The following PRKAA2 variants were observed in gnomAD, a reference collection of about 807,000 sequenced individuals.
The protein encoded by PRKAA2 is protein kinase AMP-activated catalytic subunit alpha 2.
A neutral mutation model predicts 56.3 loss-of-function variants in PRKAA2; 40 were observed. The observed-to-expected ratio is 0.71, with a 90% CI of 0.55 to 0.92. The LOEUF is 0.92. Ranked by LOEUF, PRKAA2 falls within the 40% of genes least tolerant of loss-of-function variation. The pLI is 0.00. For missense variants in PRKAA2, 542 were observed against 686.9 expected, an observed-to-expected ratio of 0.79 and a Z score of 2.36; for synonymous variants, 214 against 234.2, an observed-to-expected ratio of 0.91 and a Z score of 0.79.
intron 1 of PRKAA2, among the ~76,000 whole-genome samples, chr1:56,658,968 A>ATT (rs758544267): frequency 8.8e-5 from 12 of 136,024 alleles, no homozygotes; most frequent in Non-Finnish European, 1.1e-4. Flanking sequence ...CTAATTTTTA[A>ATT]TTTTTTTTTT....
intron 1 of PRKAA2, among the ~76,000 whole-genome samples, chr1:56,667,135 G>T (rs962628567): frequency 1.3e-5 from 2 of 152,196 alleles, no homozygotes; most frequent in African/African-American, 4.8e-5. Context: ...AAGTGTTTCT[G>T]ATTCAGGGTC....
intron 1 of PRKAA2, among the ~76,000 whole-genome samples, chr1:56,671,763 A>AT (rs1644078635): frequency 6.6e-6 from 1 of 152,182 alleles, no homozygotes; most frequent in African/African-American, 2.4e-5. Context: ...GTCAGATGTT[A>AT]TGCCATCACT....
At chr1:56,689,897 GACACACACACACACAC>G (rs3034077) in intron 2 of PRKAA2, among the ~76,000 whole-genome samples, 9 of 147,144 alleles carry the variant, frequency 6.1e-5, no homozygotes, top group South Asian at 2.2e-4. Context: ...CAGACACACA[GACACACACACACACAC>G]ACACACACAC....
intron 4 of PRKAA2, 94 bp downstream of exon 4, chr1:56,692,596 G>GT: frequency 1.6e-6 from 2 of 1,261,090 alleles, no homozygotes; most frequent in Non-Finnish European, 2.1e-6. Context: ...AACCTTGTAC[G>GT]TTCTGTACCA....
At position 56,704,363 on chromosome 1, in the gene PRKAA2, C is replaced by T. The variant is rs1322462262; in HGVS notation, c.1181C>T (p.Ser394Phe). 6.2e-7 allele frequency: 1 copy of T among 1,614,154 alleles called. No individual in the cohort carries two copies. Among genetic ancestry groups the T allele is most frequent in the Non-Finnish European group, 8.5e-7 (1 of 1,180,014 alleles). The change falls in exon 7 of 9, where the codon TCT (serine) becomes TTT (phenylalanine). Residue 394 changes from serine (S) to phenylalanine (F), a missense_variant. Around this residue, in one of 5 missense-constraint regions of PRKAA2, gnomAD observed 198 missense variants for 234.0 expected, o/e 0.85. Coordinates refer to ENST00000371244, the MANE Select transcript of PRKAA2 (RefSeq NM_006252.4). ...GCACTGAATACGACTAAGCCCAAATCTTTAGCTGTGAAAAAAGCCAAGTGG... is the reference window on the plus strand; with the variant it reads ...GCACTGAATACGACTAAGCCCAAATTTTTAGCTGTGAAAAAAGCCAAGTGG... ...LDALNTTKPK[S>F]LAVKKAKWHL...
chr1:56,680,639 G>C (rs1487163463), intron 2 of PRKAA2, among the ~76,000 whole-genome samples: 1 of 152,086 alleles, frequency 6.6e-6, no homozygotes, highest in Admixed American at 6.6e-5. Context: ...ATAGTTTGCT[G>C]AGAATGATGG....
intron 2 of PRKAA2, among the ~76,000 whole-genome samples, chr1:56,678,833 C>T (rs1008790773): frequency 1.5e-4 from 23 of 152,008 alleles, no homozygotes; most frequent in South Asian, 6.2e-4. Flanking sequence ...GTAGCTGGGA[C>T]TACAGGCACA....
Position 56,705,415 on chromosome 1 carries a change from GT to G in PRKAA2, c.1294-670del, listed in dbSNP as rs1458675047. Among the ~76,000 whole-genome samples, 33 of 145,324 alleles carry G rather than the reference GT, an allele frequency of 2.3e-4. No homozygotes were observed. In the South Asian group the frequency reaches 6.3e-3, roughly 28 times the overall value. ...TGTTTATTTTTTGTTGTTGTTGTTTGTTTTTTTGAGACAGGGTCTCACTCTG... is the reference window on the plus strand; with the variant it reads ...TGTTTATTTTTTGTTGTTGTTGTTTGTTTTTTGAGACAGGGTCTCACTCTG... On this transcript the variant is annotated intron_variant, in intron 7 of 8. Transcript: ENST00000371244.
At chr1:56,659,673 A>C (rs1643977868) in intron 1 of PRKAA2, among the ~76,000 whole-genome samples, 1 of 152,154 alleles carries the variant, frequency 6.6e-6, no homozygotes, top group South Asian at 2.1e-4. Context: ...CTGTAATCCC[A>C]GCACTTTGGG....
intron 2 of PRKAA2, among the ~76,000 whole-genome samples, chr1:56,676,552 C>T (rs1337602033): frequency 6.6e-6 from 1 of 152,116 alleles, no homozygotes; most frequent in Non-Finnish European, 1.5e-5. Context: ...ATATGTCAAG[C>T]TTTTAAGATA....
intron 1 of PRKAA2, among the ~76,000 whole-genome samples, chr1:56,647,507 G>A (rs975263541): frequency 2.6e-5 from 4 of 152,114 alleles, no homozygotes; most frequent in African/African-American, 9.7e-5. Context: ...CCAGGCACTG[G>A]CTTCTTAAAA....
intron 1 of PRKAA2, among the ~76,000 whole-genome samples, chr1:56,665,119 G>A (rs114685309): frequency 0.018 from 2,640 of 149,776 alleles, 82 homozygotes; most frequent in African/African-American, 0.062. Flanking sequence ...AAAAATCCAG[G>A]CCAGAGTACA....
At chr1:56,650,071 G>A (rs192545864) in intron 1 of PRKAA2, among the ~76,000 whole-genome samples, 1 of 151,962 alleles carries the variant, frequency 6.6e-6, no homozygotes, top group Admixed American at 6.6e-5. Context: ...CTCCAGCCTG[G>A]GTGACAGAGC....
intron 1 of PRKAA2, among the ~76,000 whole-genome samples, chr1:56,669,757 T>A (rs1474047299): frequency 6.6e-6 from 1 of 152,176 alleles, no homozygotes. Context: ...ATATTCAGCA[T>A]ATAGTAGTTA....
At chr1:56,674,277 A>T (rs757914719) in intron 1 of PRKAA2, 104 bp from the exon 2 acceptor site, 298 of 920,710 alleles carry the variant, frequency 3.2e-4, no homozygotes, top group Non-Finnish European at 4.3e-4. Context: ...GGATATAAAG[A>T]TGGTATATAT....
Position 56,704,023 on chromosome 1 carries a change from C to T in PRKAA2, c.841C>T (p.Pro281Ser), listed in dbSNP as rs1197866775. ...DLPSYLFPED[P>S]SYDANVIDDE... The stretch of plus-strand genomic sequence containing the variant: ...GCCCAGTTACTTATTTCCTGAAGAC[C>T]CTTCCTATGATGCTAACGTCATTGA... Residue 281 changes from proline to serine, a missense_variant, in exon 7 of 9, where the codon CCT becomes TCT. Physicochemically the swap from Pro to Ser is moderately conservative, Grantham distance 74. This residue lies in a region of PRKAA2 where 198 missense variants were observed against 234.0 expected (regional missense o/e 0.85). Coordinates refer to ENST00000371244, the MANE Select transcript of PRKAA2 (RefSeq NM_006252.4). The T allele has an allele frequency of 1.2e-6, 2 of 1,613,480 alleles. No individual in the cohort carries two copies. The highest frequency in any genetic ancestry group is 1.7e-6 in the Non-Finnish European group (2 of 1,179,574).
intron 1 of PRKAA2, among the ~76,000 whole-genome samples, chr1:56,672,322 G>T (rs554617227): frequency 6.6e-6 from 1 of 152,214 alleles, no homozygotes; most frequent in East Asian, 1.9e-4. Context: ...TTGCCATGTT[G>T]CCCAGGCTGG....
At chr1:56,686,378 A>T (rs1233621447) in intron 2 of PRKAA2, among the ~76,000 whole-genome samples, 1 of 152,232 alleles carries the variant, frequency 6.6e-6, no homozygotes, top group Non-Finnish European at 1.5e-5. Context: ...TCATCAGTGT[A>T]TATCAAGGAG....
At chr1:56,681,574 T>C (rs1307268677) in intron 2 of PRKAA2, among the ~76,000 whole-genome samples, 4 of 152,342 alleles carry the variant, frequency 2.6e-5, no homozygotes, top group East Asian at 3.9e-4. Context: ...TTTCTACATA[T>C]GGCTAGCCAA....
Sources: gnomAD v4.1 joint callset for allele counts (sites outside exome capture counted in the v4.1 genomes callset) on GRCh38, gnomAD v4.1.1 for gene constraint, gnomAD v4.1.1 regional missense constraint, MANE v1.5 for transcripts, NCBI Gene and HGNC (gene_info 2026-07-23, HGNC 2026-07-21) for gene names.